Variants in RBP4 observed in about 807,000 individuals in gnomAD.
RBP4 encodes the protein retinol-binding protein 4.
A neutral mutation model predicts 26.2 loss-of-function variants in RBP4; 9 were observed. The ratio of observed to expected loss-of-function variants is 0.34; its 90% CI spans 0.21 to 0.60. The LOEUF is 0.60. Ranked by LOEUF, RBP4 falls within the 20% of genes least tolerant of loss-of-function variation. The probability of loss-of-function intolerance (pLI) is 0.80; values close to 1 mark genes in which losing one functional copy is unlikely to be tolerated. For missense variants in RBP4, 244 were observed against 271.3 expected, an observed-to-expected ratio of 0.90 and a Z score of 0.71; for synonymous variants, 114 against 111.0, an observed-to-expected ratio of 1.03 and a Z score of -0.17.
At chr10:93,594,061 G>C (rs561316976) in intron 4 of RBP4, 26 bp from the exon 5 acceptor site, 3 of 1,605,852 alleles carry the variant, frequency 1.9e-6, no homozygotes, top group South Asian at 2.2e-5. Flanking sequence ...CCACCATGCC[G>C]ATCAATGCCT....
At chr10:93,594,539 C>A (rs897202316) in intron 4 of RBP4, among the ~76,000 whole-genome samples, 2 of 152,204 alleles carry the variant, frequency 1.3e-5, no homozygotes, top group Non-Finnish European at 2.9e-5. Context: ...CTCTCTCAGT[C>A]CTCTGGAGGA....
At chr10:93,601,535 C>T, upstream of RBP4, 1 of 659,214 alleles carries the variant, frequency 1.5e-6, no homozygotes, top group South Asian at 1.8e-5. Flanking sequence ...AGGGTGGCCT[C>T]CGGGGCCAGT....
In RBP4 at chr10:93,601,046, C is replaced by T. The variant is rs1421189540; in HGVS notation, c.-18G>A. On this transcript the variant is annotated splice_region_variant and 5_prime_UTR_variant, in exon 2 of 6. Transcript: ENST00000371464. ...CACTTCATCTTGCCCAGGAATCCGC[C>T]CTGCGGGAGACGCGCCTCCGTCAGT... 5 of 1,606,974 alleles carry T rather than the reference C, an allele frequency of 3.1e-6. No homozygotes were observed. The highest frequency in any genetic ancestry group is 4.2e-6 in the Non-Finnish European group (5 of 1,179,548).
intron 1 of RBP4, 54 bp from the exon 2 acceptor site, chr10:93,601,100 C>T (rs2058335521): frequency 6.4e-7 from 1 of 1,553,448 alleles, no homozygotes; most frequent in Admixed American, 1.9e-5. Flanking sequence ...GCCGCCGTAT[C>T]CCACCTCACC....
At position 93,600,934 on chromosome 10, in the gene RBP4, T is replaced by C; in HGVS notation, c.95A>G (p.Asn32Ser). Residue 32 changes from asparagine to serine, a missense_variant, in exon 2 of 6, where the codon AAC becomes AGC. Coordinates refer to ENST00000371464, the MANE Select transcript of RBP4 (RefSeq NM_006744.4). ...GATACCTACGCGAGCCTTGTCGAAG[T>C]TCTCCTTGACTCGGAAGCTGCTCAC... ...CRVSSFRVKENFDKARFSGTW... is the reference protein window; with the variant it reads ...CRVSSFRVKESFDKARFSGTW... 1 of 1,612,402 alleles carries C rather than the reference T, an allele frequency of 6.2e-7. No individual in the cohort carries two copies. Among genetic ancestry groups the C allele is most frequent in the African/African-American group, 1.3e-5 (1 of 74,990 alleles).
upstream of RBP4, chr10:93,601,556 GGAGGCTC>G: frequency 1.5e-6 from 1 of 663,542 alleles, no homozygotes; most frequent in South Asian, 1.7e-5. Context: ...GGCTCTGGCA[GGAGGCTC>G]GAGTCAACCT....
chr10:93,591,987 G>T lies in RBP4; in HGVS notation c.*88C>A. On this transcript the variant is annotated 3_prime_UTR_variant, in exon 6 of 6. Transcript: ENST00000371464. ...TGGGAACTGAGGGAAGATGGGGAGA[G>T]AAGGGCAAATTAAACTCCTAAGATA... 2.7e-6 allele frequency: 3 copies of T among 1,126,266 alleles called. No homozygotes were observed. The highest frequency in any genetic ancestry group is 2.7e-6 in the Non-Finnish European group (2 of 737,386). The allele number at this position is 1,126,266 out of a possible 1,614,324, so 69.8% of individuals were successfully genotyped here. A position where few individuals can be genotyped will look rare whatever the true frequency, so the allele number is the denominator to read the frequency against.
At chr10:93,596,960 C>T (rs527953304) in intron 4 of RBP4, among the ~76,000 whole-genome samples, 2 of 152,356 alleles carry the variant, frequency 1.3e-5, no homozygotes, top group African/African-American at 4.8e-5. Flanking sequence ...AATACCCCAA[C>T]AGGCCCCAGA....
intron 4 of RBP4, among the ~76,000 whole-genome samples, chr10:93,599,633 C>CA (rs1211874554): frequency 6.6e-6 from 1 of 152,188 alleles, no homozygotes; most frequent in Admixed American, 6.5e-5. Context: ...GAACCCCCTC[C>CA]AAAAGGTTAA....
rs61461737 is a variant in RBP4 at position 93,600,623 on chromosome 10, A to G, written c.248+44T>C. The G allele has an allele frequency of 0.074, 118,952 of 1,611,628 alleles. 4,948 individuals carry two copies. The highest frequency in any genetic ancestry group is 0.14 in the Middle Eastern group (825 of 6,048). Reference sequence around the variant, plus strand: ...CGATCAGCAGGCAGGGCCCTTGGGGAACCCTGGAGCGCAAAGGGCGCAGCT... The same window carrying G: ...CGATCAGCAGGCAGGGCCCTTGGGGGACCCTGGAGCGCAAAGGGCGCAGCT... On this transcript the variant is annotated intron_variant, in intron 3 of 5. Coordinates refer to ENST00000371464, the MANE Select transcript of RBP4 (RefSeq NM_006744.4).
At chr10:93,598,438 G>A (rs2058315317) in intron 4 of RBP4, among the ~76,000 whole-genome samples, 3 of 152,194 alleles carry the variant, frequency 2.0e-5, no homozygotes, top group African/African-American at 7.2e-5. Flanking sequence ...GAACTTAGGA[G>A]GTCTAATTTT....
chr10:93,599,390 T>C (rs544020087), intron 4 of RBP4, among the ~76,000 whole-genome samples: 1 of 152,350 alleles, frequency 6.6e-6, no homozygotes, highest in South Asian at 2.1e-4. Context: ...AGGACACTTC[T>C]ACCCTGGATC....
rs121918584 is a variant in RBP4 at position 93,600,739 on chromosome 10, A to T, written c.176T>A (p.Ile59Asn). ...CTCGTCCACGGAGAACTCCGCGACG[A>T]TGTTGTCCTGCAGAAAGAGGCCCTC... ...DPEGLFLQDN[I>N]VAEFSVDETG... Residue 59 changes from isoleucine to asparagine, a missense_variant, in exon 3 of 6, where the codon ATC (isoleucine) becomes AAC (asparagine). Physicochemically the swap from Ile to Asn is moderately radical, Grantham distance 149. Transcript: ENST00000371464. 1.2e-6 allele frequency: 2 copies of T among 1,611,472 alleles called. No individual in the cohort carries two copies. Among genetic ancestry groups the T allele is most frequent in the Non-Finnish European group, 1.7e-6 (2 of 1,178,948 alleles).
At chr10:93,592,175 G>T in intron 5 of RBP4, 63 bp from the exon 6 acceptor site, 2 of 1,390,948 alleles carry the variant, frequency 1.4e-6, no homozygotes, top group South Asian at 1.2e-5. Flanking sequence ...TGTAGATAAT[G>T]AACATCATGA....
Position 93,599,959 on chromosome 10 carries a change from G to A in RBP4, c.355+434C>T, listed in dbSNP as rs566105470. ...GGAGGCATCCACCCCTATGCACAGT[G>A]TTCCCTCCGTCCTTGGATAGGGCTC... On this transcript the variant is annotated intron_variant, in intron 4 of 5. Transcript: ENST00000371464. Among the ~76,000 whole-genome samples, 21 of 152,214 alleles carry A rather than the reference G, an allele frequency of 1.4e-4. No individual in the cohort carries two copies. In the South Asian group the frequency reaches 3.5e-3, roughly 26 times the overall value.
upstream of RBP4, chr10:93,601,390 T>G (rs2058338649): frequency 2.4e-6 from 3 of 1,266,292 alleles, no homozygotes; most frequent in Non-Finnish European, 3.0e-6. Context: ...AGGGTCCCTG[T>G]GGGCCGGCCT....
At position 93,593,899 on chromosome 10, in the gene RBP4, T is replaced by C. The variant is rs1207895109; in HGVS notation, c.492A>G (p.Pro164=). The C allele has an allele frequency of 6.2e-7, 1 of 1,613,848 alleles. No individual in the cohort carries two copies. The highest frequency in any genetic ancestry group is 8.5e-7 in the Non-Finnish European group (1 of 1,180,014). The change falls in exon 5 of 6, where the codon CCA becomes CCG. Residue 164 remains proline, a synonymous_variant. Transcript: ENST00000371464. The part of the protein sequence containing the change: ...VFSRDPNGLP[P]EAQKIVRQRQ... Reference sequence around the variant, plus strand: ...GCTGCCTTACAATCTTCTGCGCTTCTGGGGGCAGGCCGTTGGGGTCCCGGG... The same window carrying C: ...GCTGCCTTACAATCTTCTGCGCTTCCGGGGGCAGGCCGTTGGGGTCCCGGG...
rs1407567514 is a variant in RBP4 at position 93,592,040 on chromosome 10, AG to A, written c.*34del. On this transcript the variant is annotated 3_prime_UTR_variant, in exon 6 of 6. Coordinates refer to ENST00000371464, the MANE Select transcript of RBP4 (RefSeq NM_006744.4). ...TAGAGCTGAAGACTGAGAGCTAATC[AG>A]AAGTTCTCAGATGAAACTAGATTCT... 6.3e-7 allele frequency: 1 copy of A among 1,576,224 alleles called. No homozygotes were observed. Among genetic ancestry groups the A allele is most frequent in the Admixed American group, 1.7e-5 (1 of 59,982 alleles).
At chr10:93,600,214 T>G (rs1210509610) in intron 4 of RBP4, among the ~76,000 whole-genome samples, 179 bp downstream of exon 4, 3 of 151,796 alleles carry the variant, frequency 2.0e-5, no homozygotes, top group African/African-American at 7.3e-5. Context: ...GGGGAGGGGG[T>G]AGGTAGCTGC....
Sources: allele counts gnomAD v4.1 joint callset (sites outside exome capture counted in the v4.1 genomes callset), GRCh38; gene constraint gnomAD v4.1.1; transcripts MANE v1.5; gene names NCBI Gene and HGNC (gene_info 2026-07-23, HGNC 2026-07-21).